Variants in GLO1 observed in about 807,000 individuals in gnomAD.
The protein encoded by GLO1 is glyoxalase I.
In GLO1, 28 loss-of-function variants were observed where a neutral mutation model predicts 26.0. The ratio of observed to expected loss-of-function variants is 1.08; its 90% CI spans 0.80 to 1.48. GLO1 has a LOEUF of 1.48. Among genes scored for constraint, GLO1 ranks in the 40% most tolerant of loss-of-function variants. The pLI, the probability that GLO1 is intolerant of heterozygous loss-of-function variation, is 0.00. For missense variants in GLO1, 225 were observed against 224.8 expected (o/e 1.00, Z -0.01); for synonymous variants, 78 against 77.6 (o/e 1.00, Z -0.03).
chr6:38,696,452 G>A (rs1285121330), intron 1 of GLO1, among the ~76,000 whole-genome samples: 1 of 152,190 alleles, frequency 6.6e-6, no homozygotes, highest in Admixed American at 6.5e-5. Context: ...CACAGGTTTG[G>A]AGGCTAGGAA....
At position 38,686,902 on chromosome 6, in the gene GLO1, G is replaced by C. The variant is rs758740372; in HGVS notation, c.157C>G (p.Leu53Val). The change falls in exon 2 of 6, where the codon CTT becomes GTT. Residue 53 changes from leucine to valine, a missense_variant. Coordinates refer to ENST00000373365, the MANE Select transcript of GLO1 (RefSeq NM_006708.3). ...AAGTACTTGACTTACGTCATTCCAA[G>C]AACTCTAGTATAAAAATCCAGTGAC... Reference protein sequence around the residue: ...KKSLDFYTRVLGMTLIQKCDF... With the variant: ...KKSLDFYTRVVGMTLIQKCDF... The C allele has an allele frequency of 2.4e-5, 38 of 1,563,064 alleles. No individual in the cohort carries two copies. The highest frequency in any genetic ancestry group is 3.3e-5 in the Non-Finnish European group (37 of 1,133,938).
chr6:38,686,175 C>A (rs1761457763), intron 2 of GLO1, among the ~76,000 whole-genome samples: 1 of 152,096 alleles, frequency 6.6e-6, no homozygotes, highest in Non-Finnish European at 1.5e-5. Flanking sequence ...TATTACTTTT[C>A]ATTTTGTATT....
intron 5 of GLO1, among the ~76,000 whole-genome samples, chr6:38,680,386 T>A (rs1168149330): frequency 6.6e-6 from 1 of 152,114 alleles, no homozygotes; most frequent in Non-Finnish European, 1.5e-5. Context: ...CCAGGCACGG[T>A]GGTGCATGCC....
At chr6:38,696,994 C>G (rs957423532) in intron 1 of GLO1, among the ~76,000 whole-genome samples, 6 of 151,566 alleles carry the variant, frequency 4.0e-5, no homozygotes, top group African/African-American at 1.5e-4. Flanking sequence ...TCTCGGCTCA[C>G]TGCAACCTCT....
chr6:38,689,525 T>C (rs1047640299), intron 1 of GLO1, among the ~76,000 whole-genome samples: 9 of 152,352 alleles, frequency 5.9e-5, no homozygotes, highest in African/African-American at 2.2e-4. Flanking sequence ...GCATGTATTT[T>C]TTGTTGTAGA....
chr6:38,692,497 ATTTCTTCC>A (rs896186873), intron 1 of GLO1, among the ~76,000 whole-genome samples: 28 of 152,138 alleles, frequency 1.8e-4, no homozygotes, highest in African/African-American at 4.3e-4. Flanking sequence ...GGACAGTTTG[ATTTCTTCC>A]TTTCCAACCT....
At chr6:38,698,293 G>A (rs1262540413) in intron 1 of GLO1, among the ~76,000 whole-genome samples, 1 of 151,692 alleles carries the variant, frequency 6.6e-6, no homozygotes, top group Non-Finnish European at 1.5e-5. Context: ...TATATATTAT[G>A]ATTCTCTATG....
In GLO1 at chr6:38,686,993, A is replaced by G; in HGVS notation, c.85-19T>C. On this transcript the variant is annotated intron_variant, in intron 1 of 5. Coordinates refer to ENST00000373365, the MANE Select transcript of GLO1 (RefSeq NM_006708.3). ...GAAAATCCTATGGAAAAATATTTAT[A>G]TTAAACATCTTTCACTTTTACCATT... 6.4e-7 allele frequency: 1 copy of G among 1,559,478 alleles called. No individual in the cohort carries two copies. Among genetic ancestry groups the G allele is most frequent in the Non-Finnish European group, 8.8e-7 (1 of 1,136,976 alleles).
intron 3 of GLO1, chr6:38,683,304 C>T (rs1322961083): frequency 1.9e-5 from 3 of 156,196 alleles, no homozygotes; most frequent in Admixed American, 1.3e-4. Context: ...AAATCACACA[C>T]TCTGAAATCA....
intron 1 of GLO1, among the ~76,000 whole-genome samples, chr6:38,699,154 T>C (rs1177287021): frequency 6.6e-6 from 1 of 152,118 alleles, no homozygotes; most frequent in Non-Finnish European, 1.5e-5. Flanking sequence ...CCTAAAACTG[T>C]TGTGGGAAGT....
At chr6:38,687,325 T>C (rs1562485247) in intron 1 of GLO1, among the ~76,000 whole-genome samples, 1 of 152,206 alleles carries the variant, frequency 6.6e-6, no homozygotes, top group Non-Finnish European at 1.5e-5. Context: ...TATACACCTA[T>C]GATCACCCTC....
intron 1 of GLO1, among the ~76,000 whole-genome samples, chr6:38,699,409 G>A (rs951353842): frequency 2.0e-5 from 3 of 152,038 alleles, no homozygotes; most frequent in South Asian, 4.2e-4. Flanking sequence ...ATATGAAATC[G>A]GCGCACCTTG....
intron 1 of GLO1, among the ~76,000 whole-genome samples, chr6:38,689,485 CTA>C (rs1316231001): frequency 2.0e-5 from 3 of 152,194 alleles, no homozygotes; most frequent in African/African-American, 7.2e-5. Context: ...ACTATACAGG[CTA>C]TACTCAAATC....
At position 38,682,787 on chromosome 6, in the gene GLO1, C is replaced by T. The variant is rs767633611; in HGVS notation, c.376+21G>A. 9 of 1,409,456 alleles carry T rather than the reference C, an allele frequency of 6.4e-6. No individual in the cohort carries two copies. The African/African-American group carries it at 9.9e-5, about 16-fold the overall frequency. 87.3% of individuals were successfully genotyped at this position (1,409,456 alleles called of 1,614,324 possible). On this transcript the variant is annotated intron_variant, in intron 4 of 5. Coordinates refer to ENST00000373365, the MANE Select transcript of GLO1 (RefSeq NM_006708.3). ...AAATCACACAAATCTACATATATCA[C>T]ATAAAAACAGGCAAACTTACCGAAT...
At chr6:38,699,206 G>T (rs1761656698) in intron 1 of GLO1, among the ~76,000 whole-genome samples, 1 of 152,180 alleles carries the variant, frequency 6.6e-6, no homozygotes, top group Admixed American at 6.5e-5. Flanking sequence ...CTGTGGCAGA[G>T]GAACATAAAT....
At chr6:38,701,637 A>AT (rs1761699289) in intron 1 of GLO1, among the ~76,000 whole-genome samples, 4 of 152,246 alleles carry the variant, frequency 2.6e-5, no homozygotes, top group East Asian at 1.9e-4. Context: ...GCATGACGGA[A>AT]TTTTTTTACC....
chr6:38,702,574 G>A (rs1306082144), intron 1 of GLO1, among the ~76,000 whole-genome samples: 1 of 152,152 alleles, frequency 6.6e-6, no homozygotes, highest in Non-Finnish European at 1.5e-5. Context: ...CTGCAGTCAG[G>A]GTGGTAAGGA....
intron 1 of GLO1, among the ~76,000 whole-genome samples, chr6:38,687,466 A>G (rs547968996): frequency 6.6e-6 from 1 of 152,364 alleles, no homozygotes; most frequent in South Asian, 2.1e-4. Context: ...GATCACTACA[A>G]TATTTGTTGA....
intron 1 of GLO1, among the ~76,000 whole-genome samples, chr6:38,695,244 T>C (rs1761591625): frequency 6.6e-6 from 1 of 152,192 alleles, no homozygotes; most frequent in Admixed American, 6.5e-5. Context: ...TGTTTTTGCA[T>C]GTATCTCTTT....
Sources: gnomAD v4.1 joint callset for allele counts (sites outside exome capture counted in the v4.1 genomes callset) on GRCh38, gnomAD v4.1.1 for gene constraint, MANE v1.5 for transcripts, NCBI Gene and HGNC (gene_info 2026-07-23, HGNC 2026-07-21) for gene names.